The following TAF4 variants were observed in gnomAD, a reference collection of about 807,000 sequenced individuals.
TAF4 encodes transcription initiation factor TFIID subunit 4.
TAF4 carries 9 observed loss-of-function variants against 90.3 expected under a neutral mutation model. That is an observed-to-expected ratio of 0.10 (90% CI 0.06 to 0.17). The LOEUF (loss-of-function observed/expected upper bound fraction) is 0.17. TAF4 is among the 10% of genes least tolerant of loss of function. The pLI is 1.00. For synonymous variants in TAF4, 818 were observed against 638.9 expected (o/e 1.28, Z -4.23); for missense variants, 1,351 against 1,370.7 (o/e 0.99, Z 0.23).
At chr20:61,996,761 T>C (rs6089305) in intron 14 of TAF4, among the ~76,000 whole-genome samples, 91,021 of 148,946 alleles carry the variant, frequency 0.61, 27,982 homozygotes, top group Middle Eastern at 0.75. Flanking sequence ...ATCACGCCAC[T>C]GCGCTCCCAC....
At chr20:62,025,587 C>A (rs992001992) in intron 1 of TAF4, among the ~76,000 whole-genome samples, 16 of 152,184 alleles carry the variant, frequency 1.1e-4, no homozygotes, top group African/African-American at 2.9e-4. Flanking sequence ...TCATAAATGG[C>A]AGTTTCCTCT....
At position 62,046,627 on chromosome 20, in the gene TAF4, T is replaced by C. The variant is rs532540117; in HGVS notation, c.1360+17824A>G. Among the ~76,000 whole-genome samples the C allele has an allele frequency of 7.9e-5, 12 of 152,336 alleles. 1 individual carries two copies. The South Asian group carries it at 1.7e-3, about 21-fold the overall frequency. On this transcript the variant is annotated intron_variant, in intron 1 of 14. Coordinates refer to ENST00000252996, the MANE Select transcript of TAF4 (RefSeq NM_003185.4). ...GATGGACACTTCGGTTCTTTCCAAA[T>C]ATCCTGGGTGGGGCTGCCGCACACG...
At chr20:62,019,687 G>A (rs866855535) in intron 1 of TAF4, among the ~76,000 whole-genome samples, 56 of 152,238 alleles carry the variant, frequency 3.7e-4, no homozygotes, top group Middle Eastern at 3.4e-3. Context: ...AGGGACCCAC[G>A]TCCCCAGCTC....
chr20:61,994,138 C>A (rs1488494735), intron 14 of TAF4, among the ~76,000 whole-genome samples: 1 of 152,050 alleles, frequency 6.6e-6, no homozygotes, highest in African/African-American at 2.4e-5. Context: ...ATATCTTTCA[C>A]CTCCCCCACA....
intron 1 of TAF4, chr20:62,037,853 GC>G (rs2055941605): frequency 4.3e-6 from 1 of 233,266 alleles, no homozygotes; most frequent in African/African-American, 2.3e-5. Context: ...ACCCTTGATG[GC>G]CTGGGCAGTT....
intron 14 of TAF4, among the ~76,000 whole-genome samples, chr20:61,993,746 GTTTT>G (rs1270930291): frequency 1.3e-5 from 2 of 151,972 alleles, no homozygotes; most frequent in Non-Finnish European, 2.9e-5. Flanking sequence ...TTCTAGTTTG[GTTTT>G]TTTGTTTGTT....
chr20:62,045,378 G>C (rs1165713948), intron 1 of TAF4, among the ~76,000 whole-genome samples: 1 of 152,194 alleles, frequency 6.6e-6, no homozygotes, highest in African/African-American at 2.4e-5. Context: ...TGGTGGAGAC[G>C]ATGGCGGTGA....
intron 1 of TAF4, among the ~76,000 whole-genome samples, chr20:62,021,988 C>A (rs2055846432): frequency 6.6e-6 from 1 of 152,144 alleles, no homozygotes; most frequent in Admixed American, 6.5e-5. Context: ...CACACAGCGG[C>A]CAGCGGCGGA....
Position 61,987,112 on chromosome 20 carries a change from C to T in TAF4, c.3090+10438G>A, listed in dbSNP as rs536822520. On this transcript the variant is annotated intron_variant, in intron 14 of 14. Coordinates refer to ENST00000252996, the MANE Select transcript of TAF4 (RefSeq NM_003185.4). The stretch of plus-strand genomic sequence containing the variant: ...CAGCAGCAACAGCCAGGCGACACCA[C>T]CTGCCTCCCAATCCAGTGCTCTGAG... 3.9e-5 allele frequency among the ~76,000 whole-genome samples: 6 copies of T among 152,346 alleles called. No individual in the cohort carries two copies. In the East Asian group the frequency reaches 1.2e-3, roughly 29 times the overall value.
chr20:62,012,601 T>TAAA, intron 3 of TAF4: 4 of 557,120 alleles, frequency 7.2e-6, no homozygotes, highest in Admixed American at 4.1e-5. Flanking sequence ...TCTGTGTGAC[T>TAAA]AAAAAAAAGA....
chr20:62,023,853 C>T (rs1444006899), intron 1 of TAF4, among the ~76,000 whole-genome samples: 1 of 151,656 alleles, frequency 6.6e-6, no homozygotes, highest in African/African-American at 2.4e-5. Flanking sequence ...GAGGCCAAGG[C>T]AGGCGGATCG....
intron 14 of TAF4, among the ~76,000 whole-genome samples, chr20:61,990,797 C>T (rs1044872636): frequency 1.3e-5 from 2 of 152,280 alleles, no homozygotes; most frequent in East Asian, 1.9e-4. Context: ...CACAGAGCCC[C>T]GGAGCCACAG....
intron 1 of TAF4, among the ~76,000 whole-genome samples, chr20:62,051,926 G>A (rs2056030505): frequency 6.6e-6 from 1 of 152,118 alleles, no homozygotes; most frequent in African/African-American, 2.4e-5. Context: ...ACCCCTTCCT[G>A]GACAAACCAA....
chr20:62,064,416 G>GCCGCCCTTCCCTC, intron 1 of TAF4, 35 bp downstream of exon 1: 1 of 1,285,258 alleles, frequency 7.8e-7, no homozygotes, highest in Non-Finnish European at 9.9e-7. Context: ...GCTGCTGGGA[G>GCCGCCCTTCCCTC]CCGCCCTTCC....
chr20:62,024,544 G>A (rs1046985034), intron 1 of TAF4, among the ~76,000 whole-genome samples: 1 of 152,202 alleles, frequency 6.6e-6, no homozygotes, highest in Admixed American at 6.5e-5. Flanking sequence ...CTTGGATCCA[G>A]AATGTATGCA....
intron 1 of TAF4, among the ~76,000 whole-genome samples, chr20:62,023,035 T>C (rs981498569): frequency 2.7e-4 from 41 of 152,354 alleles, no homozygotes; most frequent in African/African-American, 9.9e-4. Flanking sequence ...CCCAAACTGA[T>C]CTGCAGAAGC....
Position 61,995,869 on chromosome 20 carries a change from CAAAAAAA to C in TAF4, c.3090+1674_3090+1680del, listed in dbSNP as rs969175865. Among the ~76,000 whole-genome samples, 4 of 4,536 alleles carry C rather than the reference CAAAAAAA, an allele frequency of 8.8e-4. 2 individuals carry two copies. The highest frequency in any genetic ancestry group is 0.011 in the South Asian group (2 of 176). The allele number at this position is 4,536 out of a possible 152,430, so 3.0% of individuals were successfully genotyped here. On this transcript the variant is annotated intron_variant, in intron 14 of 14. Coordinates refer to ENST00000252996, the MANE Select transcript of TAF4 (RefSeq NM_003185.4). Reference sequence around the variant, plus strand: ...TGGGCGACAGAGCGAGACTCCGTCTCAAAAAAAAAAAAAAAAAAAAAAAAAAATTTGA... The same window carrying C: ...TGGGCGACAGAGCGAGACTCCGTCTCAAAAAAAAAAAAAAAAAAAATTTGA...
chr20:61,986,192 C>G (rs1321524467), intron 14 of TAF4, among the ~76,000 whole-genome samples: 3 of 132,112 alleles, frequency 2.3e-5, no homozygotes, highest in Admixed American at 1.5e-4. Context: ...AAGGAAACAC[C>G]ATCCCCCATC....
intron 1 of TAF4, among the ~76,000 whole-genome samples, chr20:62,061,649 C>G (rs529626928): frequency 6.6e-6 from 1 of 152,344 alleles, no homozygotes; most frequent in East Asian, 1.9e-4. Flanking sequence ...CTTCTTTCAG[C>G]TGTAATCACA....
Sources: gnomAD v4.1 joint callset for allele counts (sites outside exome capture counted in the v4.1 genomes callset) on GRCh38, gnomAD v4.1.1 for gene constraint, MANE v1.5 for transcripts, NCBI Gene and HGNC (gene_info 2026-07-23, HGNC 2026-07-21) for gene names.